CNTNAP2: variants seen among roughly 807,000 people sequenced by gnomAD.
CNTNAP2 encodes the protein contactin-associated protein-like 2.
A neutral mutation model predicts 155.2 loss-of-function variants in CNTNAP2; 98 were observed. That is an observed-to-expected ratio of 0.63 (90% CI 0.54 to 0.75). The LOEUF is 0.75. Ranked by LOEUF, CNTNAP2 falls within the 30% of genes least tolerant of loss-of-function variation. The pLI is 0.00. For missense variants in CNTNAP2, 1,727 were observed against 1,688.1 expected, an observed-to-expected ratio of 1.02 and a Z score of -0.40; for synonymous variants, 651 against 631.2, an observed-to-expected ratio of 1.03 and a Z score of -0.47.
intron 1 of CNTNAP2, among the ~76,000 whole-genome samples, chr7:146,198,987 A>G (rs544737072): frequency 1.3e-5 from 2 of 152,326 alleles, no homozygotes; most frequent in South Asian, 4.1e-4. Context: ...CATTTAGTCA[A>G]CACAACCAAA....
In CNTNAP2 at chr7:146,528,471, G is replaced by T. The variant is rs550753112; in HGVS notation, c.98-245800G>T. On this transcript the variant is annotated intron_variant, in intron 1 of 23. Coordinates refer to ENST00000361727, the MANE Select transcript of CNTNAP2 (RefSeq NM_014141.6). The stretch of plus-strand genomic sequence containing the variant: ...ACAATTGAGATTTATAGGCTCAGAA[G>T]TTACCATTAGTAATATTCAAGCACC... 2.9e-4 allele frequency among the ~76,000 whole-genome samples: 44 copies of T among 152,262 alleles called. 1 individual carries two copies. The South Asian group carries it at 8.9e-3, about 31-fold the overall frequency.
At chr7:147,063,896 C>T (rs1241990914) in intron 4 of CNTNAP2, among the ~76,000 whole-genome samples, 1 of 151,938 alleles carries the variant, frequency 6.6e-6, no homozygotes, top group Non-Finnish European at 1.5e-5. Context: ...TTCAATTTCT[C>T]ACAATTGTAT....
intron 1 of CNTNAP2, among the ~76,000 whole-genome samples, chr7:146,547,673 G>T (rs1212297702): frequency 6.6e-6 from 1 of 151,826 alleles, no homozygotes; most frequent in Admixed American, 6.6e-5. Context: ...TTTTAAATCC[G>T]GATAGTATTC....
At chr7:147,072,735 G>A (rs1258186771) in intron 4 of CNTNAP2, among the ~76,000 whole-genome samples, 1 of 152,120 alleles carries the variant, frequency 6.6e-6, no homozygotes, top group African/African-American at 2.4e-5. Context: ...TGCAGGTATG[G>A]ACTGATGGGA....
At chr7:147,052,869 T>C (rs769161759) in intron 4 of CNTNAP2, among the ~76,000 whole-genome samples, 13 of 152,108 alleles carry the variant, frequency 8.5e-5, no homozygotes, top group Non-Finnish European at 1.8e-4. Context: ...GGATATGCTA[T>C]GTTTCTAAGT....
Position 146,972,419 on chromosome 7 carries a change from GTTTTA to G in CNTNAP2, c.403-71482_403-71478del, listed in dbSNP as rs571945223. Among the ~76,000 whole-genome samples the G allele has an allele frequency of 4.2e-3, 641 of 152,112 alleles. 6 individuals are homozygous for G. Among genetic ancestry groups the G allele is most frequent in the African/African-American group, 0.015 (605 of 41,516 alleles). ...TTAAATTTCAAAATTTAACATTTGT[GTTTTA>G]TTTTAATGAATACAATTTTCAAGTA... On this transcript the variant is annotated intron_variant, in intron 3 of 23. Coordinates refer to ENST00000361727, the MANE Select transcript of CNTNAP2 (RefSeq NM_014141.6).
intron 10 of CNTNAP2, among the ~76,000 whole-genome samples, chr7:147,404,980 T>C (rs1563191948): frequency 6.6e-6 from 1 of 152,210 alleles, no homozygotes; most frequent in Non-Finnish European, 1.5e-5. Context: ...AAAAGTTGAA[T>C]TAGCCATTTT....
intron 3 of CNTNAP2, among the ~76,000 whole-genome samples, chr7:146,853,533 T>G (rs1794922104): frequency 6.6e-6 from 1 of 152,198 alleles, no homozygotes; most frequent in Admixed American, 6.5e-5. Flanking sequence ...GCATTTTTAC[T>G]AAAATCAAAT....
At chr7:148,085,988 T>C (rs562785787) in intron 15 of CNTNAP2, among the ~76,000 whole-genome samples, 179 of 152,362 alleles carry the variant, frequency 1.2e-3, no homozygotes, top group Non-Finnish European at 2.1e-3. Flanking sequence ...ATTTATTGAA[T>C]TTCTACTTTT....
chr7:148,072,647 C>T (rs1258582691), intron 15 of CNTNAP2, among the ~76,000 whole-genome samples: 1 of 152,220 alleles, frequency 6.6e-6, no homozygotes, highest in Admixed American at 6.5e-5. Flanking sequence ...ATGCTTACTA[C>T]AGGTTTTCTG....
At chr7:147,777,261 G>A (rs763372400) in intron 13 of CNTNAP2, among the ~76,000 whole-genome samples, 96 of 152,254 alleles carry the variant, frequency 6.3e-4, no homozygotes, top group Admixed American at 3.9e-4. Flanking sequence ...TTTAAGGACA[G>A]CATATTATTT....
chr7:147,369,969 G>A (rs146251373), intron 9 of CNTNAP2, among the ~76,000 whole-genome samples: 63 of 152,282 alleles, frequency 4.1e-4, no homozygotes, highest in African/African-American at 1.4e-3. Flanking sequence ...ACTTAGATTC[G>A]TGTGGCTCTT....
chr7:146,636,389 AT>A (rs2088158680), intron 1 of CNTNAP2, among the ~76,000 whole-genome samples: 1 of 152,202 alleles, frequency 6.6e-6, no homozygotes, highest in Non-Finnish European at 1.5e-5. Flanking sequence ...ATACACACAC[AT>A]ATGAAATTCA....
At chr7:148,359,447 A>C (rs758239993) in intron 21 of CNTNAP2, among the ~76,000 whole-genome samples, 1 of 152,206 alleles carries the variant, frequency 6.6e-6, no homozygotes, top group Non-Finnish European at 1.5e-5. Context: ...GGAGAGCTGG[A>C]GATTCTGCTC....
chr7:146,920,900 A>T (rs1299401573), intron 3 of CNTNAP2, among the ~76,000 whole-genome samples: 1 of 152,210 alleles, frequency 6.6e-6, no homozygotes, highest in Admixed American at 6.5e-5. Flanking sequence ...AACAGATAAT[A>T]GATACAGGAA....
At chr7:146,988,872 A>G (rs1798161213) in intron 3 of CNTNAP2, among the ~76,000 whole-genome samples, 1 of 152,208 alleles carries the variant, frequency 6.6e-6, no homozygotes, top group South Asian at 2.1e-4. Flanking sequence ...TAATGACAAC[A>G]TCTGCATCTG....
intron 1 of CNTNAP2, among the ~76,000 whole-genome samples, chr7:146,500,856 T>G (rs961778207): frequency 6.6e-6 from 1 of 152,174 alleles, no homozygotes; most frequent in Non-Finnish European, 1.5e-5. Flanking sequence ...AACTATGAGT[T>G]GTTCATTGTT....
chr7:148,418,998 C>G lies in CNTNAP2; in HGVS notation c.*3382C>G, dbSNP rs1367996234. On this transcript the variant is annotated 3_prime_UTR_variant, in exon 24 of 24. Transcript: ENST00000361727. ...ACAGGCGAAGCCATTGGAAGCACTTCAGGAACAAGCACACAGCTGTGGGAC... is the reference window on the plus strand; with the variant it reads ...ACAGGCGAAGCCATTGGAAGCACTTGAGGAACAAGCACACAGCTGTGGGAC... 1 of 152,246 alleles carries G rather than the reference C, an allele frequency of 6.6e-6. No homozygotes were observed. The highest frequency in any genetic ancestry group is 6.5e-5 in the Admixed American group (1 of 15,282). 9.4% of individuals were successfully genotyped at this position (152,246 alleles called of 1,614,324 possible).
intron 1 of CNTNAP2, among the ~76,000 whole-genome samples, chr7:146,652,335 G>A (rs918825227): frequency 6.6e-6 from 1 of 152,092 alleles, no homozygotes; most frequent in African/African-American, 2.4e-5. Flanking sequence ...ATAGACCTAC[G>A]ACTGTTGGTT....
Sources: allele counts gnomAD v4.1 joint callset (sites outside exome capture counted in the v4.1 genomes callset), GRCh38; gene constraint gnomAD v4.1.1; transcripts MANE v1.5; gene names NCBI Gene and HGNC (gene_info 2026-07-23, HGNC 2026-07-21).